The following ELAPOR2 variants were observed in gnomAD, a reference collection of about 807,000 sequenced individuals.
ELAPOR2 encodes endosome/lysosome-associated apoptosis and autophagy regulator family member 2.
In ELAPOR2, 89 loss-of-function variants were observed where a neutral mutation model predicts 120.7. The ratio of observed to expected loss-of-function variants is 0.74; its 90% CI spans 0.62 to 0.88. ELAPOR2 has a LOEUF of 0.88. Ranked by LOEUF, ELAPOR2 falls within the 40% of genes least tolerant of loss-of-function variation. ELAPOR2 has a pLI of 0.00. For missense variants in ELAPOR2, 1,134 were observed against 1,251.6 expected (o/e 0.91, Z 1.42); for synonymous variants, 444 against 444.9 (o/e 1.00, Z 0.03).
chr7:87,030,444 AAAAG>A (rs1284303380), intron 1 of ELAPOR2, among the ~76,000 whole-genome samples: 1 of 152,194 alleles, frequency 6.6e-6, no homozygotes. Flanking sequence ...AAAAGAAAAA[AAAAG>A]AAAGAAAGAA....
At chr7:87,026,762 A>G (rs1794256237) in intron 1 of ELAPOR2, among the ~76,000 whole-genome samples, 1 of 152,048 alleles carries the variant, frequency 6.6e-6, no homozygotes, top group Admixed American at 6.6e-5. Context: ...TCTGTATTTT[A>G]CACTTTCTAA....
At chr7:86,889,446 A>G (rs1799850753) in intron 21 of ELAPOR2, among the ~76,000 whole-genome samples, 1 of 151,544 alleles carries the variant, frequency 6.6e-6, no homozygotes, top group South Asian at 2.1e-4. Context: ...CAAGTATAGT[A>G]TCAAACCCTA....
intron 2 of ELAPOR2, among the ~76,000 whole-genome samples, chr7:86,964,483 A>C (rs1355683131): frequency 6.6e-6 from 1 of 152,142 alleles, no homozygotes; most frequent in Non-Finnish European, 1.5e-5. Context: ...ATTTCTGTGG[A>C]TGGATTGTGG....
At chr7:86,932,816 G>A (rs562315569) in intron 8 of ELAPOR2, among the ~76,000 whole-genome samples, 1 of 151,828 alleles carries the variant, frequency 6.6e-6, no homozygotes, top group Non-Finnish European at 1.5e-5. Flanking sequence ...TTCTTTGCAA[G>A]TAATTATTTT....
intron 1 of ELAPOR2, among the ~76,000 whole-genome samples, chr7:87,023,670 C>T (rs1794140570): frequency 6.6e-6 from 1 of 152,144 alleles, no homozygotes; most frequent in African/African-American, 2.4e-5. Context: ...TGGCCATTTT[C>T]ATGATATTGA....
At chr7:86,996,390 G>C (rs1390674581) in intron 1 of ELAPOR2, among the ~76,000 whole-genome samples, 3 of 152,140 alleles carry the variant, frequency 2.0e-5, no homozygotes, top group African/African-American at 4.8e-5. Flanking sequence ...AGCATTCCCG[G>C]CAGAGGGGGC....
chr7:86,941,986 G>C (rs1475290024), intron 5 of ELAPOR2, 32 bp downstream of exon 5: 1 of 1,329,246 alleles, frequency 7.5e-7, no homozygotes, highest in Non-Finnish European at 1.1e-6. Flanking sequence ...AGGAAAAATT[G>C]GCAAAGAAGA....
At chr7:86,929,851 G>A (rs1236374187) in intron 8 of ELAPOR2, among the ~76,000 whole-genome samples, 1 of 151,774 alleles carries the variant, frequency 6.6e-6, no homozygotes, top group South Asian at 2.1e-4. Flanking sequence ...TGGTTTAAAA[G>A]TGTGTGGCAC....
chr7:86,935,778 T>TA (rs1790537423), intron 8 of ELAPOR2, among the ~76,000 whole-genome samples: 1 of 152,024 alleles, frequency 6.6e-6, no homozygotes, highest in African/African-American at 2.4e-5. Flanking sequence ...CAGTATTCTG[T>TA]AAATAACCAG....
chr7:86,934,057 T>C (rs1197048781), intron 8 of ELAPOR2, among the ~76,000 whole-genome samples: 1 of 152,028 alleles, frequency 6.6e-6, no homozygotes, highest in African/African-American at 2.4e-5. Flanking sequence ...AAGATAATTT[T>C]GTAGTGAATG....
At chr7:86,963,466 A>T (rs1306658738) in intron 2 of ELAPOR2, among the ~76,000 whole-genome samples, 1 of 152,154 alleles carries the variant, frequency 6.6e-6, no homozygotes, top group Non-Finnish European at 1.5e-5. Context: ...CATGGATACA[A>T]TACTCTACAA....
At chr7:86,885,195 T>C (rs1799630076) in intron 21 of ELAPOR2, among the ~76,000 whole-genome samples, 1 of 152,200 alleles carries the variant, frequency 6.6e-6, no homozygotes, top group Non-Finnish European at 1.5e-5. Context: ...TGGATTAAGA[T>C]AGATTCTTTA....
intron 1 of ELAPOR2, among the ~76,000 whole-genome samples, chr7:87,033,831 A>G (rs998219685): frequency 3.3e-5 from 5 of 152,062 alleles, no homozygotes; most frequent in African/African-American, 1.2e-4. Context: ...AAATGTGCAT[A>G]TATATAATAT....
At chr7:87,043,024 A>G (rs1176907047) in intron 1 of ELAPOR2, among the ~76,000 whole-genome samples, 1 of 152,198 alleles carries the variant, frequency 6.6e-6, no homozygotes, top group Non-Finnish European at 1.5e-5. Flanking sequence ...AAATGGATAA[A>G]TTCCTTGACA....
chr7:86,981,964 C>T (rs73196650), intron 1 of ELAPOR2, among the ~76,000 whole-genome samples: 6 of 152,362 alleles, frequency 3.9e-5, no homozygotes, highest in Admixed American at 6.5e-5. Context: ...CCACATACTG[C>T]GCTTTCCCAA....
At chr7:87,030,289 T>C (rs867321613) in intron 1 of ELAPOR2, among the ~76,000 whole-genome samples, 10 of 152,114 alleles carry the variant, frequency 6.6e-5, no homozygotes, top group African/African-American at 1.9e-4. Flanking sequence ...TCACAGTACA[T>C]ACCAATACCT....
In ELAPOR2 at chr7:87,048,519, T is replaced by G. The variant is rs191900011; in HGVS notation, c.189+10806A>C. Among the ~76,000 whole-genome samples, 341 of 152,260 alleles carry G rather than the reference T, an allele frequency of 2.2e-3. 2 individuals carry two copies. Among genetic ancestry groups the G allele is most frequent in the South Asian group, 7.1e-3 (34 of 4,820 alleles). Reference sequence around the variant, plus strand: ...GGTTGGAGAGGGAGGTGTGGATAATTAATTGGTACAAAAAAATAGAAAAAA... The same window carrying G: ...GGTTGGAGAGGGAGGTGTGGATAATGAATTGGTACAAAAAAATAGAAAAAA... On this transcript the variant is annotated intron_variant, in intron 1 of 21. Transcript: ENST00000450689.
chr7:86,949,976 G>C (rs1791175558), intron 2 of ELAPOR2, among the ~76,000 whole-genome samples: 1 of 152,048 alleles, frequency 6.6e-6, no homozygotes, highest in Admixed American at 6.5e-5. Context: ...TTGCCAGTCA[G>C]TGGGCCAGAA....
chr7:86,925,345 A>C (rs1268678773), intron 10 of ELAPOR2, among the ~76,000 whole-genome samples, 183 bp downstream of exon 10: 1 of 152,000 alleles, frequency 6.6e-6, no homozygotes, highest in Non-Finnish European at 1.5e-5. Context: ...TCTTCTATGA[A>C]TGTCACCTGG....
Sources: gnomAD v4.1 joint callset for allele counts (sites outside exome capture counted in the v4.1 genomes callset) on GRCh38, gnomAD v4.1.1 for gene constraint, MANE v1.5 for transcripts, NCBI Gene and HGNC (gene_info 2026-07-23, HGNC 2026-07-21) for gene names.